The following ADCY2 variants were observed in gnomAD, a reference collection of about 807,000 sequenced individuals.
ADCY2 encodes the protein adenylate cyclase type 2.
Under a neutral mutation model 125.2 loss-of-function variants are expected in ADCY2, and 31 were observed. The observed-to-expected ratio is 0.25, with a 90% CI of 0.19 to 0.33. ADCY2 has a LOEUF of 0.33. ADCY2 is among the 10% of genes least tolerant of loss of function. ADCY2 has a pLI of 1.00. For synonymous variants in ADCY2, 512 were observed against 548.4 expected, an observed-to-expected ratio of 0.93 and a Z score of 0.93; for missense variants, 904 against 1,418.2, an observed-to-expected ratio of 0.64 and a Z score of 5.82.
chr5:7,513,256 T>G (rs1326527566), intron 2 of ADCY2, among the ~76,000 whole-genome samples: 1 of 152,132 alleles, frequency 6.6e-6, no homozygotes, highest in Non-Finnish European at 1.5e-5. Flanking sequence ...CATTAGACAT[T>G]GGGATGGATG....
At chr5:7,772,881 A>C in intron 17 of ADCY2, 51 bp from the exon 18 acceptor site, 1 of 1,561,478 alleles carries the variant, frequency 6.4e-7, no homozygotes, top group Middle Eastern at 1.7e-4. Context: ...TTGTTTCAGC[A>C]TTTCTCAGAA....
At chr5:7,450,091 A>G (rs1741418483) in intron 2 of ADCY2, among the ~76,000 whole-genome samples, 1 of 152,184 alleles carries the variant, frequency 6.6e-6, no homozygotes, top group Non-Finnish European at 1.5e-5. Flanking sequence ...ATAACCCTAC[A>G]GTAGCCTCTA....
At chr5:7,573,593 C>CTTTTTTTTTTTTTT (rs763347773) in intron 3 of ADCY2, among the ~76,000 whole-genome samples, 3 of 86,374 alleles carry the variant, frequency 3.5e-5, no homozygotes, top group Non-Finnish European at 4.8e-5. Flanking sequence ...GGTTGATTTT[C>CTTTTTTTTTTTTTT]TTTTTTTTTT....
chr5:7,713,260 G>A (rs536439148), intron 11 of ADCY2, among the ~76,000 whole-genome samples: 10 of 152,210 alleles, frequency 6.6e-5, no homozygotes, highest in East Asian at 3.9e-4. Flanking sequence ...GGAGGCTGAG[G>A]CGGGTGGATC....
intron 3 of ADCY2, among the ~76,000 whole-genome samples, chr5:7,543,535 A>T (rs1735057982): frequency 6.6e-6 from 1 of 152,176 alleles, no homozygotes; most frequent in African/African-American, 2.4e-5. Context: ...TAGGTTCCCC[A>T]ACAGTTAGTG....
chr5:7,479,075 T>G (rs554844681), intron 2 of ADCY2, among the ~76,000 whole-genome samples: 1 of 152,154 alleles, frequency 6.6e-6, no homozygotes, highest in Non-Finnish European at 1.5e-5. Context: ...AGATTTGCGA[T>G]GTATTATTGG....
At chr5:7,777,625 T>A (rs754626060) in intron 18 of ADCY2, among the ~76,000 whole-genome samples, 1 of 152,234 alleles carries the variant, frequency 6.6e-6, no homozygotes, top group Non-Finnish European at 1.5e-5. Flanking sequence ...CATCTTCCTC[T>A]GTACTTTGTC....
intron 2 of ADCY2, among the ~76,000 whole-genome samples, chr5:7,505,161 G>A (rs4702472): frequency 0.023 from 3,453 of 152,164 alleles, 60 homozygotes; most frequent in Middle Eastern, 0.041. Flanking sequence ...TAGGATTACA[G>A]GTGTGAGCCA....
chr5:7,670,923 A>G (rs1371648095), intron 4 of ADCY2, among the ~76,000 whole-genome samples: 1 of 152,180 alleles, frequency 6.6e-6, no homozygotes, highest in Non-Finnish European at 1.5e-5. Context: ...CCCTACTCTA[A>G]AATGAACTCC....
At chr5:7,502,532 C>A (rs1469569478) in intron 2 of ADCY2, among the ~76,000 whole-genome samples, 1 of 152,222 alleles carries the variant, frequency 6.6e-6, no homozygotes, top group African/African-American at 2.4e-5. Context: ...TGCTTCCGGG[C>A]TGATCTCTTG....
chr5:7,466,630 G>A (rs10063916), intron 2 of ADCY2, among the ~76,000 whole-genome samples: 41,172 of 152,124 alleles, frequency 0.27, 6,825 homozygotes, highest in Non-Finnish European at 0.37. Flanking sequence ...GTCCCCCTAG[G>A]AAGCCACAGA....
chr5:7,506,140 T>A (rs1743804903), intron 2 of ADCY2, among the ~76,000 whole-genome samples: 1 of 152,130 alleles, frequency 6.6e-6, no homozygotes, highest in African/African-American at 2.4e-5. Flanking sequence ...TACATAGAAA[T>A]AAGGTAGTAT....
At chr5:7,546,282 G>C (rs75852949) in intron 3 of ADCY2, among the ~76,000 whole-genome samples, 1 of 152,160 alleles carries the variant, frequency 6.6e-6, no homozygotes, top group Non-Finnish European at 1.5e-5. Context: ...GAATGGTAAC[G>C]CATGACTAAA....
At chr5:7,411,865 G>T (rs1400309555) in intron 1 of ADCY2, among the ~76,000 whole-genome samples, 2 of 152,062 alleles carry the variant, frequency 1.3e-5, no homozygotes, top group African/African-American at 4.8e-5. Context: ...CACGAGGTCA[G>T]GAGATCGAGA....
chr5:7,446,600 T>C (rs763394683), intron 2 of ADCY2, among the ~76,000 whole-genome samples: 3 of 152,132 alleles, frequency 2.0e-5, no homozygotes, highest in African/African-American at 4.8e-5. Flanking sequence ...GAGTCTTTGG[T>C]ATACAGAATA....
At chr5:7,723,920 C>CAAAAAAAAAAA (rs70940756) in intron 12 of ADCY2, among the ~76,000 whole-genome samples, 8 of 53,724 alleles carry the variant, frequency 1.5e-4, no homozygotes, top group African/African-American at 2.0e-4. Context: ...GACTCAGTCT[C>CAAAAAAAAAAA]AAAAAAAAAA....
At chr5:7,537,012 G>T (rs1734836551) in intron 3 of ADCY2, among the ~76,000 whole-genome samples, 1 of 79,728 alleles carries the variant, frequency 1.3e-5, no homozygotes, top group Non-Finnish European at 3.6e-5. Context: ...GTTATTTACT[G>T]TCTTTAATTC....
intron 3 of ADCY2, among the ~76,000 whole-genome samples, chr5:7,524,613 T>C (rs1158137990): frequency 6.6e-6 from 1 of 152,206 alleles, no homozygotes; most frequent in African/African-American, 2.4e-5. Context: ...TCCTAACACT[T>C]TTGAAGATTG....
At chr5:7,539,364 A>C (rs565906317) in intron 3 of ADCY2, among the ~76,000 whole-genome samples, 2 of 152,056 alleles carry the variant, frequency 1.3e-5, no homozygotes, top group African/African-American at 4.8e-5. Context: ...TTAAAAAAAA[A>C]AAAATAAAAC....
Sources: allele counts gnomAD v4.1 joint callset (sites outside exome capture counted in the v4.1 genomes callset), GRCh38; gene constraint gnomAD v4.1.1; transcripts MANE v1.5; gene names NCBI Gene and HGNC (gene_info 2026-07-23, HGNC 2026-07-21).